The following NRXN3 variants were observed in gnomAD, a reference collection of about 807,000 sequenced individuals.
NRXN3 encodes neurexin III.
NRXN3 carries 32 observed loss-of-function variants against 137.6 expected under a neutral mutation model. The observed-to-expected ratio is 0.23, with a 90% CI of 0.18 to 0.31. NRXN3 has a LOEUF of 0.31. NRXN3 is among the 10% of genes least tolerant of loss of function. The pLI is 1.00. For missense variants in NRXN3, 1,574 were observed against 2,062.5 expected (o/e 0.76, Z 4.59); for synonymous variants, 798 against 784.5 (o/e 1.02, Z -0.29).
intron 1 of NRXN3, among the ~76,000 whole-genome samples, chr14:78,207,214 G>T (rs2062285583): frequency 6.6e-6 from 1 of 152,050 alleles, no homozygotes; most frequent in South Asian, 2.1e-4. Flanking sequence ...GATCTACAGG[G>T]TGTGTTTGTT....
At chr14:78,377,448 T>C (rs1399463143) in intron 4 of NRXN3, among the ~76,000 whole-genome samples, 2 of 152,234 alleles carry the variant, frequency 1.3e-5, no homozygotes, top group African/African-American at 4.8e-5. Context: ...TTCGCAGTTA[T>C]GGTTGGAGGC....
At chr14:79,508,594 G>A (rs1191546377) in intron 16 of NRXN3, among the ~76,000 whole-genome samples, 1 of 151,312 alleles carries the variant, frequency 6.6e-6, no homozygotes, top group African/African-American at 2.4e-5. Context: ...GTTTCACCAT[G>A]TTGGCCAGGC....
At chr14:79,416,482 C>T (rs570685283) in intron 15 of NRXN3, among the ~76,000 whole-genome samples, 11 of 152,094 alleles carry the variant, frequency 7.2e-5, no homozygotes, top group Non-Finnish European at 1.6e-4. Flanking sequence ...GCAAACAATA[C>T]CATGTAAATG....
intron 15 of NRXN3, among the ~76,000 whole-genome samples, chr14:79,306,207 GC>G (rs1405897876): frequency 1.3e-5 from 2 of 151,968 alleles, no homozygotes; most frequent in African/African-American, 2.4e-5. Flanking sequence ...ATTTGATTTG[GC>G]CCATAGGTGG....
intron 4 of NRXN3, among the ~76,000 whole-genome samples, chr14:78,331,148 C>T (rs545130698): frequency 2.6e-5 from 4 of 152,196 alleles, no homozygotes; most frequent in Non-Finnish European, 5.9e-5. Flanking sequence ...TGAGAAAGGT[C>T]ACCAAAATAT....
intron 15 of NRXN3, among the ~76,000 whole-genome samples, chr14:79,346,600 C>G (rs1181590017): frequency 6.6e-6 from 1 of 152,144 alleles, no homozygotes; most frequent in Non-Finnish European, 1.5e-5. Flanking sequence ...AATCTCAGAT[C>G]TTGTGTGCTA....
At chr14:78,491,344 C>T (rs1460085794) in intron 4 of NRXN3, among the ~76,000 whole-genome samples, 1 of 152,110 alleles carries the variant, frequency 6.6e-6, no homozygotes, top group Non-Finnish European at 1.5e-5. Context: ...TACCATGTGG[C>T]CAAGGTCACA....
rs2096066227 is a variant in NRXN3 at position 78,509,709 on chromosome 14, G to A, written c.758-135411G>A. Among the ~76,000 whole-genome samples the A allele has an allele frequency of 2.0e-5, 3 of 152,184 alleles. No individual in the cohort carries two copies. In the South Asian group the frequency reaches 6.2e-4, roughly 32 times the overall value. On this transcript the variant is annotated intron_variant, in intron 4 of 20. Coordinates refer to ENST00000335750, the MANE Select transcript of NRXN3 (RefSeq NM_001330195.2). ...TTTCACCTTTGGCATTGCTTCAAAGGGGACATGGGTCTCTATTAGTCACAG... is the reference window on the plus strand; with the variant it reads ...TTTCACCTTTGGCATTGCTTCAAAGAGGACATGGGTCTCTATTAGTCACAG...
At chr14:79,407,191 G>A (rs537935203) in intron 15 of NRXN3, among the ~76,000 whole-genome samples, 2 of 152,070 alleles carry the variant, frequency 1.3e-5, no homozygotes, top group Non-Finnish European at 2.9e-5. Context: ...AAAATTTTTT[G>A]TGTGTCTCCA....
At chr14:79,494,466 T>G (rs750424701) in intron 16 of NRXN3, among the ~76,000 whole-genome samples, 4 of 152,192 alleles carry the variant, frequency 2.6e-5, no homozygotes, top group Non-Finnish European at 5.9e-5. Context: ...GCAGTTTCAT[T>G]AAACATGGTC....
chr14:78,754,333 A>G (rs1390996676), intron 8 of NRXN3, among the ~76,000 whole-genome samples: 1 of 152,156 alleles, frequency 6.6e-6, no homozygotes, highest in African/African-American at 2.4e-5. Flanking sequence ...GTTCAGCCCC[A>G]GTCCTGGGTA....
chr14:79,674,266 T>G (rs1369922210), intron 17 of NRXN3, among the ~76,000 whole-genome samples: 1 of 152,068 alleles, frequency 6.6e-6, no homozygotes, highest in Non-Finnish European at 1.5e-5. Context: ...CTTAAATTTT[T>G]TTTTTACAGT....
At chr14:79,440,941 G>C (rs986089965) in intron 15 of NRXN3, among the ~76,000 whole-genome samples, 36 of 152,094 alleles carry the variant, frequency 2.4e-4, no homozygotes, top group African/African-American at 8.7e-4. Context: ...GACAAATTTA[G>C]TATACGGTAA....
chr14:79,001,090 C>T (rs2153108042), intron 15 of NRXN3, among the ~76,000 whole-genome samples: 1 of 152,190 alleles, frequency 6.6e-6, no homozygotes, highest in South Asian at 2.1e-4. Flanking sequence ...GCTCTATTTC[C>T]TGAAGCTGCA....
intron 15 of NRXN3, among the ~76,000 whole-genome samples, chr14:79,212,412 A>G (rs969728448): frequency 6.6e-6 from 1 of 152,146 alleles, no homozygotes; most frequent in Non-Finnish European, 1.5e-5. Flanking sequence ...TTCTTAGGTT[A>G]ATCCATTAAC....
intron 17 of NRXN3, 41 bp from the exon 18 acceptor site, chr14:79,692,132 C>T (rs2098719085): frequency 6.8e-7 from 1 of 1,471,966 alleles, no homozygotes; most frequent in South Asian, 1.3e-5. Context: ...GACTTATTGA[C>T]TTTTCAGATT....
At chr14:79,114,274 C>G (rs1406510826) in intron 15 of NRXN3, among the ~76,000 whole-genome samples, 1 of 152,164 alleles carries the variant, frequency 6.6e-6, no homozygotes, top group Non-Finnish European at 1.5e-5. Flanking sequence ...ATTCACAGGA[C>G]AAAGTATTAT....
chr14:79,795,151 CCTCA>C (rs1364635676), intron 19 of NRXN3, among the ~76,000 whole-genome samples: 3 of 152,118 alleles, frequency 2.0e-5, no homozygotes, highest in Admixed American at 6.5e-5. Context: ...AAATTATTAG[CCTCA>C]CTGTCTATCA....
At chr14:78,971,347 G>A (rs1242236130) in intron 14 of NRXN3, among the ~76,000 whole-genome samples, 1 of 151,746 alleles carries the variant, frequency 6.6e-6, no homozygotes, top group Non-Finnish European at 1.5e-5. Flanking sequence ...TAGGGGATGA[G>A]GTTTTATAAC....
Sources: gnomAD v4.1 joint callset for allele counts (sites outside exome capture counted in the v4.1 genomes callset) on GRCh38, gnomAD v4.1.1 for gene constraint, MANE v1.5 for transcripts, NCBI Gene and HGNC (gene_info 2026-07-23, HGNC 2026-07-21) for gene names.